DGKB: variants seen among roughly 807,000 people sequenced by gnomAD.
DGKB encodes diacylglycerol kinase beta, also known as 90 kDa diacylglycerol kinase.
Under a neutral mutation model 114.3 loss-of-function variants are expected in DGKB, and 67 were observed. The observed-to-expected ratio is 0.59, with a 90% confidence interval of 0.48 to 0.72. The LOEUF is 0.72. Among genes scored for constraint, DGKB ranks in the 30% least tolerant of loss-of-function variants. The pLI, the probability that DGKB is intolerant of heterozygous loss-of-function variation, is 0.00. For synonymous variants in DGKB, 398 were observed against 323.1 expected, an observed-to-expected ratio of 1.23 and a Z score of -2.49; for missense variants, 907 against 975.2, an observed-to-expected ratio of 0.93 and a Z score of 0.93.
intron 20 of DGKB, among the ~76,000 whole-genome samples, chr7:14,563,331 T>C (rs1351097231): frequency 6.6e-6 from 1 of 152,232 alleles, no homozygotes; most frequent in Non-Finnish European, 1.5e-5. Context: ...AAATTACTTA[T>C]ACTTTGGAGA....
chr7:14,371,265 A>C (rs893545460), intron 21 of DGKB, among the ~76,000 whole-genome samples: 1 of 152,188 alleles, frequency 6.6e-6, no homozygotes, highest in Non-Finnish European at 1.5e-5. Flanking sequence ...CAGTGGATGA[A>C]CTAATTTACA....
At chr7:14,810,415 A>C (rs1307709816) in intron 2 of DGKB, among the ~76,000 whole-genome samples, 1 of 152,182 alleles carries the variant, frequency 6.6e-6, no homozygotes, top group African/African-American at 2.4e-5. Context: ...TTTAAATATA[A>C]TGCAAGCCAC....
chr7:14,628,117 A>C (rs1808981767), intron 14 of DGKB, among the ~76,000 whole-genome samples: 1 of 152,132 alleles, frequency 6.6e-6, no homozygotes, highest in Admixed American at 6.6e-5. Context: ...CTACCACCTA[A>C]GCTAAATGCT....
chr7:14,798,547 A>C (rs749895094), intron 2 of DGKB, among the ~76,000 whole-genome samples: 5 of 152,180 alleles, frequency 3.3e-5, no homozygotes, highest in Non-Finnish European at 2.9e-5. Context: ...TTGATTTTTC[A>C]GTGAATCATT....
chr7:14,412,310 C>T (rs1273821489), intron 21 of DGKB, among the ~76,000 whole-genome samples: 1 of 152,252 alleles, frequency 6.6e-6, no homozygotes, highest in South Asian at 2.1e-4. Context: ...AGAATAATCT[C>T]TAAAATAGAT....
intron 21 of DGKB, among the ~76,000 whole-genome samples, chr7:14,428,948 G>T (rs1828004090): frequency 6.6e-6 from 1 of 151,990 alleles, no homozygotes; most frequent in East Asian, 1.9e-4. Context: ...CTGAACAAAT[G>T]ACCATTTTAT....
At chr7:14,779,710 G>C (rs1838780609) in intron 2 of DGKB, among the ~76,000 whole-genome samples, 1 of 152,014 alleles carries the variant, frequency 6.6e-6, no homozygotes, top group Admixed American at 6.6e-5. Flanking sequence ...TTTATTTCCT[G>C]CTATAAAAGG....
At chr7:14,191,516 C>A in intron 23 of DGKB, 2 of 197,020 alleles carry the variant, frequency 1.0e-5, no homozygotes, top group Middle Eastern at 2.5e-3. Flanking sequence ...ACTGACAAGC[C>A]CTTATTTGTG....
In DGKB at chr7:14,704,463, A is replaced by G. The variant is rs1237719559; in HGVS notation, c.467-2733T>C. On this transcript the variant is annotated intron_variant, in intron 6 of 25. Transcript: ENST00000402815. ...ACTCCATCTCAAAAAAAAAAAAAAA[A>G]AGAAAAAAGAAAAAAAGGGGGAGGA... Among the ~76,000 whole-genome samples, 4 of 150,758 alleles carry G rather than the reference A, an allele frequency of 2.7e-5. No homozygotes were observed. In the East Asian group the frequency reaches 7.8e-4, roughly 29 times the overall value.
rs1167249924 is a variant in DGKB, at chr7:14,685,229, G to C, written c.829+16C>G. 1 of 1,565,256 alleles carries C rather than the reference G, an allele frequency of 6.4e-7. No homozygotes were observed. Among genetic ancestry groups the C allele is most frequent in the African/African-American group, 1.4e-5 (1 of 74,000 alleles). ...CACTTGAGGAGATGATGTCCAGGCA[G>C]AGCAAATGTACTCACAGGAACAGCA... On this transcript the variant is annotated intron_variant, in intron 10 of 25. Coordinates refer to ENST00000402815, the MANE Select transcript of DGKB (RefSeq NM_001350709.2).
At chr7:14,231,156 T>G (rs1233976854) in intron 23 of DGKB, among the ~76,000 whole-genome samples, 1 of 150,852 alleles carries the variant, frequency 6.6e-6, no homozygotes. Context: ...TTTCTTTCTT[T>G]CTCTTGGTAA....
chr7:14,617,335 A>G lies in DGKB; in HGVS notation c.1285-3922T>C, dbSNP rs1354003950. On this transcript the variant is annotated intron_variant, in intron 15 of 25. Transcript: ENST00000402815. ...TTCAGTTGCATGGTCCAAACTATTA[A>G]TATCTTGGAGAAGTTCCTGATTCCT... Among the ~76,000 whole-genome samples the G allele has an allele frequency of 9.2e-5, 14 of 151,634 alleles. No individual in the cohort carries two copies. The Admixed American group carries it at 9.2e-4, about 10-fold the overall frequency.
intron 23 of DGKB, among the ~76,000 whole-genome samples, chr7:14,320,610 T>C (rs1200942467): frequency 1.1e-4 from 16 of 151,830 alleles, no homozygotes; most frequent in Non-Finnish European, 1.8e-4. Context: ...TACATATATG[T>C]GGTACATATA....
At chr7:14,154,451 C>A (rs1385153929) in intron 25 of DGKB, among the ~76,000 whole-genome samples, 2 of 151,902 alleles carry the variant, frequency 1.3e-5, no homozygotes, top group Non-Finnish European at 2.9e-5. Context: ...TACTACGATT[C>A]ATTTCCCTCA....
chr7:14,459,933 G>A (rs1348753489), intron 21 of DGKB, among the ~76,000 whole-genome samples: 1 of 152,040 alleles, frequency 6.6e-6, no homozygotes, highest in African/African-American at 2.4e-5. Flanking sequence ...AGAGAGAGGG[G>A]GGCCAATAAT....
At chr7:14,238,823 G>A (rs1307990841) in intron 23 of DGKB, among the ~76,000 whole-genome samples, 1 of 151,916 alleles carries the variant, frequency 6.6e-6, no homozygotes, top group Non-Finnish European at 1.5e-5. Context: ...GATGCTTATT[G>A]AAATATCATG....
chr7:14,777,366 C>A (rs984702870), intron 2 of DGKB, among the ~76,000 whole-genome samples: 1 of 151,982 alleles, frequency 6.6e-6, no homozygotes, highest in Non-Finnish European at 1.5e-5. Flanking sequence ...GAGCTGGGGG[C>A]AGAATGACAT....
At chr7:14,614,882 T>C (rs1806232760) in intron 15 of DGKB, among the ~76,000 whole-genome samples, 1 of 152,118 alleles carries the variant, frequency 6.6e-6, no homozygotes, top group Admixed American at 6.6e-5. Flanking sequence ...GAAAAACTTA[T>C]GCACTAACTT....
chr7:14,366,408 G>T (rs1816681393), intron 21 of DGKB, among the ~76,000 whole-genome samples: 1 of 152,104 alleles, frequency 6.6e-6, no homozygotes, highest in Non-Finnish European at 1.5e-5. Context: ...TGATGAGTGG[G>T]TTTTAACCCT....
Sources: gnomAD v4.1 joint callset for allele counts (sites outside exome capture counted in the v4.1 genomes callset) on GRCh38, gnomAD v4.1.1 for gene constraint, MANE v1.5 for transcripts, NCBI Gene and HGNC (gene_info 2026-07-23, HGNC 2026-07-21) for gene names.